ARMH4: variants seen among roughly 807,000 people sequenced by gnomAD.
ARMH4 encodes the protein armadillo-like helical domain-containing protein 4.
In ARMH4, 49 loss-of-function variants were observed where a neutral mutation model predicts 61.9. The ratio of observed to expected loss-of-function variants is 0.79; its 90% CI spans 0.63 to 1.00. ARMH4 has a LOEUF of 1.00. Ranked by LOEUF, ARMH4 falls within the 50% of genes least tolerant of loss-of-function variation. The pLI is 0.00. For missense variants in ARMH4, 934 were observed against 930.0 expected (o/e 1.00, Z -0.06); for synonymous variants, 368 against 341.5 (o/e 1.08, Z -0.85).
At chr14:58,042,419 A>G (rs1277002243) in intron 5 of ARMH4, among the ~76,000 whole-genome samples, 1 of 152,212 alleles carries the variant, frequency 6.6e-6, no homozygotes, top group Non-Finnish European at 1.5e-5. Context: ...AAGACACAAC[A>G]TACCAGAATC....
At chr14:58,118,626 G>A (rs567375925) in intron 4 of ARMH4, among the ~76,000 whole-genome samples, 19 of 152,252 alleles carry the variant, frequency 1.2e-4, no homozygotes, top group African/African-American at 4.1e-4. Flanking sequence ...AGTGCTTTGG[G>A]AACAGAATAT....
chr14:58,081,332 T>A (rs1253730297), intron 5 of ARMH4, among the ~76,000 whole-genome samples: 2 of 152,042 alleles, frequency 1.3e-5, no homozygotes, highest in African/African-American at 4.8e-5. Context: ...CAGGGGGATC[T>A]GTGTGCACAT....
rs150929544 is a variant in ARMH4, at chr14:58,119,774, G to A, written c.1831+11738C>T. On this transcript the variant is annotated intron_variant, in intron 4 of 7. Transcript: ENST00000267485. ...GCCTGTTCTTCATGGAAAAGCAGCCGCTCCAGTTGTTAAAAGCTATTCTTA... is the reference window on the plus strand; with the variant it reads ...GCCTGTTCTTCATGGAAAAGCAGCCACTCCAGTTGTTAAAAGCTATTCTTA... 7.7e-3 allele frequency among the ~76,000 whole-genome samples: 1,174 copies of A among 152,236 alleles called. 12 individuals are homozygous for A. The highest frequency in any genetic ancestry group is 0.027 in the African/African-American group (1,112 of 41,546).
At chr14:58,032,191 T>A (rs370176430) in intron 5 of ARMH4, among the ~76,000 whole-genome samples, 2 of 152,154 alleles carry the variant, frequency 1.3e-5, no homozygotes, top group Admixed American at 6.5e-5. Flanking sequence ...ATGAGACTTA[T>A]GTGTTTTGCT....
chr14:58,138,494 T>C lies in ARMH4; in HGVS notation c.865A>G (p.Ser289Gly). 1 of 1,614,236 alleles carries C rather than the reference T, an allele frequency of 6.2e-7. No homozygotes were observed. Among genetic ancestry groups the C allele is most frequent in the Non-Finnish European group, 8.5e-7 (1 of 1,180,036 alleles). Residue 289 changes from serine to glycine, a missense_variant, in exon 2 of 8, where the codon AGT (serine) becomes GGT (glycine). Physicochemically the swap from Ser to Gly is moderately conservative, Grantham distance 56. Coordinates refer to ENST00000267485, the MANE Select transcript of ARMH4 (RefSeq NM_001001872.4). ...YTLSVEPETD[S>G]LLGAPEVTVS... Reference sequence around the variant, plus strand: ...GTGACTTCTGGGGCTCCCAGCAGACTATCAGTTTCTGGCTCAACACTCAGG... The same window carrying C: ...GTGACTTCTGGGGCTCCCAGCAGACCATCAGTTTCTGGCTCAACACTCAGG...
At chr14:58,105,307 A>G (rs1308264895) in intron 4 of ARMH4, among the ~76,000 whole-genome samples, 14 of 152,192 alleles carry the variant, frequency 9.2e-5, no homozygotes, top group Non-Finnish European at 1.5e-5. Context: ...TGAACCCCAA[A>G]TAAGAATGGG....
At chr14:58,129,598 G>A (rs1887018674) in intron 4 of ARMH4, among the ~76,000 whole-genome samples, 1 of 152,176 alleles carries the variant, frequency 6.6e-6, no homozygotes, top group Non-Finnish European at 1.5e-5. Flanking sequence ...ATATTCCCGG[G>A]CAAGGTAGAA....
chr14:58,125,434 A>T (rs1712965791), intron 4 of ARMH4, among the ~76,000 whole-genome samples: 1 of 152,232 alleles, frequency 6.6e-6, no homozygotes, highest in Admixed American at 6.5e-5. Context: ...TATTTACTGG[A>T]CCAGGCCTTT....
intron 5 of ARMH4, among the ~76,000 whole-genome samples, chr14:58,072,608 G>A (rs533789503): frequency 1.3e-5 from 2 of 152,122 alleles, no homozygotes; most frequent in South Asian, 4.2e-4. Flanking sequence ...TGTAATCCCA[G>A]CTACTCAGGA....
chr14:58,054,739 C>G (rs178482), intron 5 of ARMH4, among the ~76,000 whole-genome samples: 6 of 151,618 alleles, frequency 4.0e-5, no homozygotes, highest in Non-Finnish European at 5.9e-5. Flanking sequence ...CTCTACTAAA[C>G]ATACAAAAAA....
chr14:58,003,198 G>A lies in ARMH4; in HGVS notation c.*1538C>T, dbSNP rs1594680441. 6.6e-6 allele frequency: 1 copy of A among 152,176 alleles called. No individual in the cohort carries two copies. Among genetic ancestry groups the A allele is most frequent in the African/African-American group, 2.4e-5 (1 of 41,446 alleles). 9.4% of individuals were successfully genotyped at this position (152,176 alleles called of 1,614,324 possible). A position where few individuals can be genotyped will look rare whatever the true frequency, so the allele number is the denominator to read the frequency against. ...CCTTAGAACCTTTGTTTTAAAGAAG[G>A]ACCCTGAAATGTCACTGCTTCCACC... On this transcript the variant is annotated 3_prime_UTR_variant, in exon 8 of 8. Coordinates refer to ENST00000267485, the MANE Select transcript of ARMH4 (RefSeq NM_001001872.4).
chr14:58,042,443 C>T (rs953751573), intron 5 of ARMH4, among the ~76,000 whole-genome samples: 2 of 151,998 alleles, frequency 1.3e-5, no homozygotes, highest in East Asian at 1.9e-4. Context: ...GGGACACATT[C>T]AAAGCAGTGT....
chr14:58,121,807 A>G (rs2141306095), intron 4 of ARMH4, among the ~76,000 whole-genome samples: 1 of 152,362 alleles, frequency 6.6e-6, no homozygotes, highest in Non-Finnish European at 1.5e-5. Context: ...AAGTGACACA[A>G]AAATGAAAAC....
At chr14:58,148,714 G>T (rs2140005433) in intron 1 of ARMH4, among the ~76,000 whole-genome samples, 1 of 152,080 alleles carries the variant, frequency 6.6e-6, no homozygotes, top group South Asian at 2.1e-4. Flanking sequence ...ACATTTCATG[G>T]TCTAACCATG....
rs377202599 is a variant in ARMH4 at position 58,086,791 on chromosome 14, G to A, written c.2089+9933C>T. The stretch of plus-strand genomic sequence containing the variant: ...AATTAAATAATACTGACAAATGACT[G>A]GAAGAATTTCAAAAGGAAGGGCTCA... On this transcript the variant is annotated intron_variant, in intron 5 of 7. Coordinates refer to ENST00000267485, the MANE Select transcript of ARMH4 (RefSeq NM_001001872.4). Among the ~76,000 whole-genome samples, 70 of 152,230 alleles carry A rather than the reference G, an allele frequency of 4.6e-4. 1 individual carries two copies. The South Asian group carries it at 0.01, about 22-fold the overall frequency.
In ARMH4 at chr14:58,004,778, A is replaced by G. The variant is rs1413031172; in HGVS notation, c.2283T>C (p.Asp761=). Residue 761 remains aspartate, a synonymous_variant, in exon 8 of 8, where the codon GAT becomes GAC. Coordinates refer to ENST00000267485, the MANE Select transcript of ARMH4 (RefSeq NM_001001872.4). ...AGCTGTCGGCTAAGAGCATTACTCG[A>G]TCTTGCATGCTGTTGAATTCTCTCT... ...RKQREFNSMQ[D]RVMLLADSSE... is the part of the protein sequence containing the mutation. 1.2e-6 allele frequency: 2 copies of G among 1,611,792 alleles called. No homozygotes were observed. Among genetic ancestry groups the G allele is most frequent in the Admixed American group, 1.7e-5 (1 of 59,956 alleles).
rs367838185 is a variant in ARMH4 at position 58,138,232 on chromosome 14, G to A, written c.1127C>T (p.Thr376Met). 123 of 1,613,974 alleles carry A rather than the reference G, an allele frequency of 7.6e-5. No homozygotes were observed. Among genetic ancestry groups the A allele is most frequent in the Middle Eastern group, 3.3e-4 (2 of 6,084 alleles). ...ATGCGCTATTAGCAGGGCTGTGCCC[G>A]TGTGTGTTTCCCCTTCAGGCAGCCC... ...ALGLPEGETHTGTALLIAHGN... is the reference protein window; with the variant it reads ...ALGLPEGETHMGTALLIAHGN... Residue 376 changes from threonine to methionine, a missense_variant, in exon 2 of 8, where the codon ACG becomes ATG. Thr to Met is a moderately conservative substitution (Grantham distance 81). Transcript: ENST00000267485.
intron 6 of ARMH4, among the ~76,000 whole-genome samples, chr14:58,008,044 G>C (rs914481680): frequency 6.6e-6 from 1 of 152,146 alleles, no homozygotes. Flanking sequence ...GAGAAAAAAT[G>C]CTCTTATGAA....
At chr14:58,077,493 G>C (rs1885085531) in intron 5 of ARMH4, among the ~76,000 whole-genome samples, 2 of 152,120 alleles carry the variant, frequency 1.3e-5, no homozygotes, top group Admixed American at 1.3e-4. Context: ...TGCGGTCCCA[G>C]CTACTCAAGA....
Sources: gnomAD v4.1 joint callset for allele counts (sites outside exome capture counted in the v4.1 genomes callset) on GRCh38, gnomAD v4.1.1 for gene constraint, MANE v1.5 for transcripts, NCBI Gene and HGNC (gene_info 2026-07-23, HGNC 2026-07-21) for gene names.